The following DDX10 variants were observed in gnomAD, a reference collection of about 807,000 sequenced individuals.
DDX10 encodes the protein DEAD-box helicase 10.
DDX10 carries 74 observed loss-of-function variants against 104.3 expected under a neutral mutation model. That is an observed-to-expected ratio of 0.71 (90% confidence interval 0.59 to 0.86). The LOEUF is 0.86. Among genes scored for constraint, DDX10 ranks in the 40% least tolerant of loss-of-function variants. The pLI is 0.00. For synonymous variants in DDX10, 351 were observed against 353.4 expected (o/e 0.99, Z 0.08); for missense variants, 952 against 1,040.0 (o/e 0.92, Z 1.16).
rs575442259 is a variant in DDX10, at chr11:108,813,968, A to G, written c.1966-24478A>G. Among the ~76,000 whole-genome samples the G allele has an allele frequency of 2.7e-4, 41 of 152,220 alleles. No homozygotes were observed. The South Asian group carries it at 8.3e-3, about 31-fold the overall frequency. ...AGTGTTACTTATTATTTCTTGTCAG[A>G]GTTTTCTGAAATTCTGAACTTAAAC... On this transcript the variant is annotated intron_variant, in intron 13 of 17. Transcript: ENST00000322536.
At chr11:108,881,214 C>G (rs1863223631) in intron 16 of DDX10, among the ~76,000 whole-genome samples, 1 of 152,118 alleles carries the variant, frequency 6.6e-6, no homozygotes, top group African/African-American at 2.4e-5. Context: ...TTCCCCCTCC[C>G]CTCCAAGATG....
At chr11:108,666,428 C>G (rs1230306418) in intron 1 of DDX10, among the ~76,000 whole-genome samples, 2 of 152,052 alleles carry the variant, frequency 1.3e-5, no homozygotes, top group African/African-American at 4.8e-5. Flanking sequence ...TGCAGTGAGC[C>G]CAGATCGCAC....
chr11:108,797,856 C>G (rs995168222), intron 13 of DDX10, among the ~76,000 whole-genome samples: 1 of 152,190 alleles, frequency 6.6e-6, no homozygotes, highest in African/African-American at 2.4e-5. Context: ...TAAGCTGGGC[C>G]TCATTCTGCA....
At chr11:108,751,635 C>G (rs1009626912) in intron 13 of DDX10, among the ~76,000 whole-genome samples, 6 of 152,050 alleles carry the variant, frequency 3.9e-5, no homozygotes, top group Non-Finnish European at 8.8e-5. Context: ...GAGGAAGAGG[C>G]TGAGAGTGAA....
intron 13 of DDX10, among the ~76,000 whole-genome samples, chr11:108,816,273 AACTCATATGCT>A (rs1333604717): frequency 1.3e-5 from 2 of 152,262 alleles, no homozygotes; most frequent in African/African-American, 2.4e-5. Context: ...TTTTCTTTAA[AACTCATATGCT>A]AATGAATCCA....
Position 108,716,777 on chromosome 11 carries a change from A to C in DDX10, c.1410+811A>C, listed in dbSNP as rs376718145. Reference sequence around the variant, plus strand: ...CAAATACATAAAGAAGTCAATATTTAGTTTTATTTTTCTTAATTGATAAAT... The same window carrying C: ...CAAATACATAAAGAAGTCAATATTTCGTTTTATTTTTCTTAATTGATAAAT... On this transcript the variant is annotated intron_variant, in intron 11 of 17. Coordinates refer to ENST00000322536, the MANE Select transcript of DDX10 (RefSeq NM_004398.4). Among the ~76,000 whole-genome samples, 11 of 152,304 alleles carry C rather than the reference A, an allele frequency of 7.2e-5. No individual in the cohort carries two copies. In the East Asian group the frequency reaches 2.1e-3, roughly 29 times the overall value.
At chr11:108,705,316 G>A (rs181096908) in intron 9 of DDX10, among the ~76,000 whole-genome samples, 11 of 152,220 alleles carry the variant, frequency 7.2e-5, no homozygotes, top group Admixed American at 4.6e-4. Flanking sequence ...TGCATGGATG[G>A]TTTAGTCCAA....
In DDX10 at chr11:108,716,838, A is replaced by G. The variant is rs115851346; in HGVS notation, c.1410+872A>G. On this transcript the variant is annotated intron_variant, in intron 11 of 17. Coordinates refer to ENST00000322536, the MANE Select transcript of DDX10 (RefSeq NM_004398.4). ...GTATGTAACATGTTTTGAAACAAAT[A>G]TACATTGTGTAATTGCTAAATGAAG... Among the ~76,000 whole-genome samples, 168 of 152,314 alleles carry G rather than the reference A, an allele frequency of 1.1e-3. 2 individuals are homozygous for G. The highest frequency in any genetic ancestry group is 3.9e-3 in the African/African-American group (163 of 41,568).
At chr11:108,681,305 G>A (rs958978076) in intron 6 of DDX10, among the ~76,000 whole-genome samples, 1 of 151,858 alleles carries the variant, frequency 6.6e-6, no homozygotes, top group African/African-American at 2.4e-5. Context: ...TTTGAAACCC[G>A]GTCCCATCAC....
At chr11:108,796,953 C>G (rs1447669728) in intron 13 of DDX10, among the ~76,000 whole-genome samples, 3 of 152,146 alleles carry the variant, frequency 2.0e-5, no homozygotes, top group Non-Finnish European at 4.4e-5. Context: ...GATGTTGGCA[C>G]CTTGATCTTG....
chr11:108,905,239 T>C (rs1387962897), intron 16 of DDX10, among the ~76,000 whole-genome samples: 1 of 149,496 alleles, frequency 6.7e-6, no homozygotes, highest in Non-Finnish European at 1.5e-5. Flanking sequence ...AAAGATCTTT[T>C]AGAGTTTTAA....
intron 16 of DDX10, among the ~76,000 whole-genome samples, chr11:108,877,405 CG>C (rs1316140875): frequency 4.6e-5 from 7 of 151,920 alleles, no homozygotes; most frequent in African/African-American, 1.5e-4. Context: ...ATAGACAGCA[CG>C]AGTGGAATCT....
chr11:108,683,798 A>G (rs535513881), intron 6 of DDX10, among the ~76,000 whole-genome samples: 4 of 152,334 alleles, frequency 2.6e-5, no homozygotes, highest in African/African-American at 9.6e-5. Context: ...CAGGAAAGCC[A>G]GAATATTAGA....
intron 17 of DDX10, among the ~76,000 whole-genome samples, chr11:108,931,971 CAG>C (rs926190910): frequency 6.6e-6 from 1 of 151,912 alleles, no homozygotes; most frequent in Non-Finnish European, 1.5e-5. Flanking sequence ...CTACTAGAAT[CAG>C]GGGTCTGGTT....
At chr11:108,828,705 A>G (rs192326105) in intron 13 of DDX10, among the ~76,000 whole-genome samples, 2 of 152,264 alleles carry the variant, frequency 1.3e-5, no homozygotes, top group South Asian at 4.2e-4. Flanking sequence ...GCTCACTGCA[A>G]CCTCTGCCTC....
At chr11:108,745,432 G>T (rs185901666) in intron 13 of DDX10, among the ~76,000 whole-genome samples, 42 of 151,876 alleles carry the variant, frequency 2.8e-4, no homozygotes, top group African/African-American at 9.7e-4. Context: ...GGCAGAGATG[G>T]GGTTTCACCA....
chr11:108,838,251 C>T, intron 13 of DDX10, 195 bp from the exon 14 acceptor site: 1 of 443,276 alleles, frequency 2.3e-6, no homozygotes, highest in Non-Finnish European at 3.9e-6. Context: ...AATGCTTAAA[C>T]TCTTTTAGGT....
At chr11:108,740,981 T>C (rs761612143) in intron 13 of DDX10, among the ~76,000 whole-genome samples, 10 of 152,194 alleles carry the variant, frequency 6.6e-5, no homozygotes, top group Non-Finnish European at 1.3e-4. Context: ...GATTTCTCTT[T>C]ATGGTGTGAG....
chr11:108,729,526 C>T (rs979620895), intron 13 of DDX10, among the ~76,000 whole-genome samples: 28 of 152,124 alleles, frequency 1.8e-4, no homozygotes, highest in African/African-American at 6.5e-4. Flanking sequence ...AGCAAATATC[C>T]TTTTCTCAGA....
Sources: allele counts gnomAD v4.1 joint callset (sites outside exome capture counted in the v4.1 genomes callset), GRCh38; gene constraint gnomAD v4.1.1; transcripts MANE v1.5; gene names NCBI Gene and HGNC (gene_info 2026-07-23, HGNC 2026-07-21).